STRN3: variants seen among roughly 807,000 people sequenced by gnomAD.
The protein encoded by STRN3 is striatin 3, also known as striatin-3.
Under a neutral mutation model 95.6 loss-of-function variants are expected in STRN3, and 29 were observed. That is an observed-to-expected ratio of 0.30 (90% CI 0.23 to 0.41). STRN3 has a LOEUF of 0.41. Ranked by LOEUF, STRN3 falls within the 10% of genes least tolerant of loss-of-function variation. The probability of loss-of-function intolerance (pLI) is 1.00; values close to 1 mark genes in which losing one functional copy is unlikely to be tolerated. For synonymous variants in STRN3, 331 were observed against 357.6 expected (o/e 0.93, Z 0.84); for missense variants, 890 against 972.1 (o/e 0.92, Z 1.12).
rs184928747 is a variant in STRN3 at position 30,979,729 on chromosome 14, A to T, written c.283-23487T>A. 5.1e-3 allele frequency among the ~76,000 whole-genome samples: 780 copies of T among 152,010 alleles called. 2 individuals are homozygous for T. Among genetic ancestry groups the T allele is most frequent in the African/African-American group, 0.017 (723 of 41,470 alleles). On this transcript the variant is annotated intron_variant, in intron 1 of 17. Transcript: ENST00000357479. ...ATTCTCCTGCCTCAGCCTCCTGAGT[A>T]GCTGGGACTACAGGTGCACACCACC...
chr14:31,018,574 C>T lies in STRN3; in HGVS notation c.282+7330G>A, dbSNP rs1302313610. 8.3e-6 allele frequency: 4 copies of T among 482,372 alleles called. No individual in the cohort carries two copies. The East Asian group carries it at 2.5e-4, about 30-fold the overall frequency. 29.9% of individuals were successfully genotyped at this position (482,372 alleles called of 1,614,324 possible). A position where few individuals can be genotyped will look rare whatever the true frequency, so the allele number is the denominator to read the frequency against. Reference sequence around the variant, plus strand: ...AGGGACTGCACTTTGATGAGTTGAACAAGCTGTGGGTGTTGGACTCAGAGG... The same window carrying T: ...AGGGACTGCACTTTGATGAGTTGAATAAGCTGTGGGTGTTGGACTCAGAGG... On this transcript the variant is annotated intron_variant, in intron 1 of 17. Coordinates refer to ENST00000357479, the MANE Select transcript of STRN3 (RefSeq NM_001083893.2).
chr14:30,933,334 A>G (rs1242314381), intron 7 of STRN3, among the ~76,000 whole-genome samples: 1 of 149,802 alleles, frequency 6.7e-6, no homozygotes, highest in East Asian at 1.9e-4. Context: ...TATTAAGTGA[A>G]AAGTGTGCAT....
chr14:30,959,458 G>C (rs979270309), intron 1 of STRN3, among the ~76,000 whole-genome samples: 2 of 152,130 alleles, frequency 1.3e-5, no homozygotes, highest in African/African-American at 4.8e-5. Flanking sequence ...ATATCATCAC[G>C]TATCTAGAGG....
Position 30,905,451 on chromosome 14 carries a change from A to T in STRN3, c.1996T>A (p.Ser666Thr). 6.2e-7 allele frequency: 1 copy of T among 1,607,548 alleles called. No homozygotes were observed. Among genetic ancestry groups the T allele is most frequent in the African/African-American group, 1.3e-5 (1 of 74,860 alleles). The stretch of plus-strand genomic sequence containing the variant: ...ACCTGTGATGAAAGTATCACCAATG[A>T]CTGTGATGTTTCTAAATCATAAATT... Reference protein sequence around the residue: ...AVIYDLETSQSLVILSSQVDS... With the variant: ...AVIYDLETSQTLVILSSQVDS... Residue 666 changes from serine to threonine, a missense_variant, in exon 15 of 18, where the codon TCA becomes ACA. Around this residue, in one of 3 missense-constraint regions of STRN3, gnomAD observed 357 missense variants for 422.8 expected, o/e 0.84. Coordinates refer to ENST00000357479, the MANE Select transcript of STRN3 (RefSeq NM_001083893.2).
chr14:30,945,351 C>T (rs1879309724), intron 5 of STRN3, among the ~76,000 whole-genome samples: 1 of 151,644 alleles, frequency 6.6e-6, no homozygotes, highest in Non-Finnish European at 1.5e-5. Context: ...GGTGTGATGG[C>T]TGATGCCTGT....
chr14:30,925,200 T>G (rs1161526159), intron 8 of STRN3, among the ~76,000 whole-genome samples: 3 of 150,698 alleles, frequency 2.0e-5, no homozygotes, highest in Non-Finnish European at 4.4e-5. Flanking sequence ...GGCTGTCACT[T>G]TTAACCCCTT....
intron 1 of STRN3, among the ~76,000 whole-genome samples, chr14:30,992,569 A>G (rs1346113335): frequency 3.5e-5 from 1 of 28,474 alleles, no homozygotes; most frequent in East Asian, 6.1e-4. Flanking sequence ...TCTCTTTAAA[A>G]AAAAAAAAAA....
At chr14:30,902,013 C>CA (rs886734317) in intron 16 of STRN3, among the ~76,000 whole-genome samples, 4 of 150,194 alleles carry the variant, frequency 2.7e-5, no homozygotes, top group African/African-American at 4.9e-5. Context: ...ACTAAAAATA[C>CA]AAAAAAAATT....
chr14:30,926,035 A>T (rs1897019540), intron 8 of STRN3, among the ~76,000 whole-genome samples: 1 of 152,132 alleles, frequency 6.6e-6, no homozygotes, highest in African/African-American at 2.4e-5. Context: ...CAGAAAAAAA[A>T]AGAAAGTTTT....
chr14:30,950,889 C>A lies in STRN3; in HGVS notation c.516G>T (p.Trp172Cys), dbSNP rs957887407. Residue 172 changes from tryptophan to cysteine, a missense_variant, in exon 4 of 18, where the codon TGG becomes TGT. Trp to Cys is a radical substitution (Grantham distance 215). Transcript: ENST00000357479. ...PTAPQNSQLTWKQGRQLLRQY... is the reference protein window; with the variant it reads ...PTAPQNSQLTCKQGRQLLRQY... ...GTCTTAAAAGCTGTCTGCCTTGCTT[C>A]CACGTTAACTGGCTATTCTGAGGTG... is the stretch of plus-strand genomic sequence containing the variant. The A allele has an allele frequency of 6.2e-6, 10 of 1,613,918 alleles. No individual in the cohort carries two copies. The highest frequency in any genetic ancestry group is 8.5e-6 in the Non-Finnish European group (10 of 1,179,934).
At position 30,936,841 on chromosome 14, in the gene STRN3, T is replaced by C. The variant is rs1473695114; in HGVS notation, c.717-217A>G. 3.9e-5 allele frequency among the ~76,000 whole-genome samples: 6 copies of C among 152,308 alleles called. No homozygotes were observed. In the South Asian group the frequency reaches 1.2e-3, roughly 32 times the overall value. On this transcript the variant is annotated intron_variant, in intron 5 of 17. Coordinates refer to ENST00000357479, the MANE Select transcript of STRN3 (RefSeq NM_001083893.2). ...TGCTGACTTTCTCCAAAGTTCATTG[T>C]CCAAAATATTTTAGGTAATTACTGC...
At position 30,928,885 on chromosome 14, in the gene STRN3, T is replaced by C. The variant is rs947111631; in HGVS notation, c.1099+316A>G. ...ATCAAAAATGGAGAAATTTATACTTTTCTCCCTTTTGAAAAATCTTTATTT... is the reference window on the plus strand; with the variant it reads ...ATCAAAAATGGAGAAATTTATACTTCTCTCCCTTTTGAAAAATCTTTATTT... On this transcript the variant is annotated intron_variant, in intron 8 of 17. Transcript: ENST00000357479. 2.0e-5 allele frequency among the ~76,000 whole-genome samples: 3 copies of C among 152,178 alleles called. No homozygotes were observed. The East Asian group carries it at 5.8e-4, about 29-fold the overall frequency.
intron 8 of STRN3, among the ~76,000 whole-genome samples, chr14:30,923,018 CT>C (rs1456955348): frequency 2.6e-5 from 4 of 152,278 alleles, no homozygotes; most frequent in Non-Finnish European, 4.4e-5. Flanking sequence ...AAAATAACAT[CT>C]CTTTGCTATG....
chr14:30,958,066 T>C (rs897821641), intron 1 of STRN3, among the ~76,000 whole-genome samples: 3 of 152,228 alleles, frequency 2.0e-5, no homozygotes, highest in Admixed American at 2.0e-4. Context: ...TGAAATTATC[T>C]ACAACTTCTT....
chr14:30,955,468 C>G (rs1879853510), intron 3 of STRN3, 152 bp downstream of exon 3: 1 of 601,186 alleles, frequency 1.7e-6, no homozygotes, highest in South Asian at 2.4e-5. Flanking sequence ...AAACTATTTA[C>G]TTTTATTCAT....
chr14:30,895,548 C>T lies in STRN3; in HGVS notation c.2257G>A (p.Asp753Asn), dbSNP rs1896119875. ...HDCSIRLWNLDSKTCVQEITA... is the reference protein window; with the variant it reads ...HDCSIRLWNLNSKTCVQEITA... ...ATTTCTTGCACACATGTCTTGCTGT[C>T]TAAATTCCATAATCTGATGGAACAG... The change falls in exon 18 of 18, where the codon GAC becomes AAC. Residue 753 changes from aspartate (D) to asparagine (N), a missense_variant. Around this residue, in one of 3 missense-constraint regions of STRN3, gnomAD observed 357 missense variants for 422.8 expected, o/e 0.84. Coordinates refer to ENST00000357479, the MANE Select transcript of STRN3 (RefSeq NM_001083893.2). 6.2e-7 allele frequency: 1 copy of T among 1,613,778 alleles called. No individual in the cohort carries two copies. Among genetic ancestry groups the T allele is most frequent in the African/African-American group, 1.3e-5 (1 of 74,920 alleles).
intron 16 of STRN3, among the ~76,000 whole-genome samples, chr14:30,900,272 T>C (rs1896269754): frequency 6.7e-6 from 1 of 148,552 alleles, no homozygotes; most frequent in Admixed American, 6.7e-5. Flanking sequence ...GCCGGGAGAA[T>C]CACTTGAACC....
intron 9 of STRN3, 129 bp downstream of exon 9, chr14:30,918,837 C>T (rs1216128585): frequency 2.1e-6 from 2 of 958,424 alleles, no homozygotes; most frequent in East Asian, 2.9e-5. Context: ...AGAGCTTGCC[C>T]AACACCTTCT....
chr14:30,936,643 G>T lies in STRN3; in HGVS notation c.717-19C>A, dbSNP rs745865416. On this transcript the variant is annotated intron_variant, in intron 5 of 17. Transcript: ENST00000357479. ...AGAGGACCTGTGCGAAGGAAAAAAAGATAAATCCAACTATTCCAATGGTTG... is the reference window on the plus strand; with the variant it reads ...AGAGGACCTGTGCGAAGGAAAAAAATATAAATCCAACTATTCCAATGGTTG... The T allele has an allele frequency of 1.3e-6, 2 of 1,593,674 alleles. No individual in the cohort carries two copies. The highest frequency in any genetic ancestry group is 1.2e-5 in the South Asian group (1 of 86,644).
Sources: gnomAD v4.1 joint callset for allele counts (sites outside exome capture counted in the v4.1 genomes callset) on GRCh38, gnomAD v4.1.1 for gene constraint, gnomAD v4.1.1 regional missense constraint, MANE v1.5 for transcripts, NCBI Gene and HGNC (gene_info 2026-07-23, HGNC 2026-07-21) for gene names.